Variants in GOLGB1 observed in about 807,000 individuals in gnomAD.
GOLGB1 encodes the protein golgin subfamily B member 1.
A neutral mutation model predicts 336.9 loss-of-function variants in GOLGB1; 174 were observed. The ratio of observed to expected loss-of-function variants is 0.52; its 90% CI spans 0.46 to 0.59. GOLGB1 has a LOEUF of 0.59. GOLGB1 is among the 20% of genes least tolerant of loss of function. The pLI, the probability that GOLGB1 is intolerant of heterozygous loss-of-function variation, is 0.00. For synonymous variants in GOLGB1, 1,208 were observed against 1,289.2 expected (o/e 0.94, Z 1.35); for missense variants, 3,331 against 3,645.3 (o/e 0.91, Z 2.22).
chr3:121,719,776 C>T lies in GOLGB1; in HGVS notation c.649-8G>A. 1 of 1,590,830 alleles carries T rather than the reference C, an allele frequency of 6.3e-7. No individual in the cohort carries two copies. Among genetic ancestry groups the T allele is most frequent in the Non-Finnish European group, 8.6e-7 (1 of 1,169,212 alleles). On this transcript the variant is annotated splice_polypyrimidine_tract_variant and splice_region_variant and intron_variant, in intron 6 of 21. Coordinates refer to ENST00000614479, the MANE Select transcript of GOLGB1 (RefSeq NM_001366282.2). ...CTGCTGCATGGAACTCAACTGAAGA[C>T]ACATACCAGAGAAACTATGCAAGTT...
At chr3:121,743,971 T>C (rs1222861120) in intron 1 of GOLGB1, among the ~76,000 whole-genome samples, 1 of 152,164 alleles carries the variant, frequency 6.6e-6, no homozygotes. Context: ...GTAATTCAAA[T>C]ATCATTAATT....
At position 121,697,986 on chromosome 3, in the gene GOLGB1, T is replaced by C; in HGVS notation, c.2537A>G (p.Gln846Arg). The change falls in exon 13 of 22, where the codon CAA (glutamine) becomes CGA (arginine). Residue 846 changes from glutamine to arginine, a missense_variant. Coordinates refer to ENST00000614479, the MANE Select transcript of GOLGB1 (RefSeq NM_001366282.2). ...TLIRSLQSQLQNKESEVLEGA... is the reference protein window; with the variant it reads ...TLIRSLQSQLRNKESEVLEGA... ...CTCAAGCACTTCACTTTCCTTATTTTGCAGCTGGCTTTGCAGGCTTCTTAT... is the reference window on the plus strand; with the variant it reads ...CTCAAGCACTTCACTTTCCTTATTTCGCAGCTGGCTTTGCAGGCTTCTTAT... 6.2e-7 allele frequency: 1 copy of C among 1,614,120 alleles called. No individual in the cohort carries two copies. The highest frequency in any genetic ancestry group is 8.5e-7 in the Non-Finnish European group (1 of 1,179,966).
rs528755502 is a variant in GOLGB1 at position 121,722,220 on chromosome 3, T to G, written c.648+42A>C. On this transcript the variant is annotated intron_variant, in intron 6 of 21. Coordinates refer to ENST00000614479, the MANE Select transcript of GOLGB1 (RefSeq NM_001366282.2). ...AATTGACTTGTGCGTAATAACCCACTGGACTTCATAGCTCTTTATCCTAAT... is the reference window on the plus strand; with the variant it reads ...AATTGACTTGTGCGTAATAACCCACGGGACTTCATAGCTCTTTATCCTAAT... The G allele has an allele frequency of 1.5e-5, 17 of 1,101,824 alleles. No homozygotes were observed. In the African/African-American group the frequency reaches 2.5e-4, roughly 16 times the overall value. 68.3% of individuals were successfully genotyped at this position (1,101,824 alleles called of 1,614,324 possible).
intron 17 of GOLGB1, among the ~76,000 whole-genome samples, chr3:121,672,530 A>G (rs1939688300): frequency 6.6e-6 from 1 of 152,162 alleles, no homozygotes; most frequent in Admixed American, 6.5e-5. Context: ...CTGGTTATTA[A>G]TCCCTTGTTA....
At chr3:121,705,383 A>C (rs528219345) in intron 10 of GOLGB1, among the ~76,000 whole-genome samples, 1 of 152,354 alleles carries the variant, frequency 6.6e-6, no homozygotes, top group Admixed American at 6.5e-5. Context: ...CTGAAACAAT[A>C]ACAACCAAAA....
chr3:121,668,847 C>T (rs1034514993), intron 18 of GOLGB1, among the ~76,000 whole-genome samples: 3 of 152,082 alleles, frequency 2.0e-5, no homozygotes, highest in African/African-American at 7.2e-5. Flanking sequence ...ATGCTGTACT[C>T]CTCTCCCTGG....
At chr3:121,743,660 A>G (rs1947041048) in intron 1 of GOLGB1, among the ~76,000 whole-genome samples, 1 of 152,240 alleles carries the variant, frequency 6.6e-6, no homozygotes, top group Non-Finnish European at 1.5e-5. Context: ...AATACAAATT[A>G]TAAATACACA....
In GOLGB1 at chr3:121,693,689, T is replaced by TCTAAAC. The variant is rs1279257054; in HGVS notation, c.6782+51_6782+52insGTTTAG. On this transcript the variant is annotated intron_variant, in intron 13 of 21. Coordinates refer to ENST00000614479, the MANE Select transcript of GOLGB1 (RefSeq NM_001366282.2). ...AAGGAAACAGAAATAGTTTAGAGAC[T>TCTAAAC]TTCTTTGCTTGAAGTTACCTCTGGA... 6.1e-6 allele frequency: 8 copies of TCTAAAC among 1,309,040 alleles called. No individual in the cohort carries two copies. In the Admixed American group the frequency reaches 1.7e-4, roughly 27 times the overall value. The allele number at this position is 1,309,040 out of a possible 1,614,324, so 81.1% of individuals were successfully genotyped here.
In GOLGB1 at chr3:121,694,440, T is replaced by C. The variant is rs768008951; in HGVS notation, c.6083A>G (p.Gln2028Arg). Residue 2028 changes from glutamine (Q) to arginine (R), a missense_variant, in exon 13 of 22, where the codon CAG becomes CGG. Gln to Arg is a conservative substitution (Grantham distance 43). Transcript: ENST00000614479. ...ATACCTGATGCAGTCCTTCTGTAGC[T>C]GCTTTACTTCTTGTTGTTTTTCTTT... Reference protein sequence around the residue: ...LLKEKQQEVKQLQKDCIRYQE... With the variant: ...LLKEKQQEVKRLQKDCIRYQE... The C allele has an allele frequency of 1.2e-6, 2 of 1,613,388 alleles. No individual in the cohort carries two copies. Among genetic ancestry groups the C allele is most frequent in the African/African-American group, 2.7e-5 (2 of 74,904 alleles).
chr3:121,679,401 C>G (rs1304656703), intron 15 of GOLGB1, among the ~76,000 whole-genome samples: 1 of 152,118 alleles, frequency 6.6e-6, no homozygotes, highest in East Asian at 1.9e-4. Flanking sequence ...CTAGGGATCC[C>G]CAGACTTGAG....
Position 121,718,407 on chromosome 3 carries a change from G to T in GOLGB1, c.866C>A (p.Ala289Asp). ...CAGTACCTGGTTTCTCTGCTCAGCAGCAGTCAGCTCCTGTTGCAGCAAGTC... is the reference window on the plus strand; with the variant it reads ...CAGTACCTGGTTTCTCTGCTCAGCATCAGTCAGCTCCTGTTGCAGCAAGTC... ...VVDLLQQELT[A>D]AEQRNQILSQ... Residue 289 changes from alanine (A) to aspartate (D), a missense_variant, in exon 8 of 22, where the codon GCT becomes GAT. Ala to Asp is a moderately radical substitution (Grantham distance 126). Transcript: ENST00000614479. 1 of 1,608,728 alleles carries T rather than the reference G, an allele frequency of 6.2e-7. No individual in the cohort carries two copies. Among genetic ancestry groups the T allele is most frequent in the Non-Finnish European group, 8.5e-7 (1 of 1,175,100 alleles).
Position 121,677,215 on chromosome 3 carries a change from A to AC in GOLGB1, c.9039+69_9039+70insG, listed in dbSNP as rs372392359. ...TGGGTAGCGTCTTAAAAAAAAAACA[A>AC]AACCCTGCAATCATCATCATTTGTT... On this transcript the variant is annotated intron_variant, in intron 16 of 21. Transcript: ENST00000614479. The AC allele has an allele frequency of 1.6e-3, 2,126 of 1,348,822 alleles. 6 individuals are homozygous for AC. The highest frequency in any genetic ancestry group is 1.2e-3 in the Non-Finnish European group (1,170 of 967,664). 83.6% of individuals were successfully genotyped at this position (1,348,822 alleles called of 1,614,324 possible). A position where few individuals can be genotyped will look rare whatever the true frequency, so the allele number is the denominator to read the frequency against.
chr3:121,682,771 C>G (rs1048109716), intron 14 of GOLGB1, among the ~76,000 whole-genome samples: 1 of 152,052 alleles, frequency 6.6e-6, no homozygotes, highest in Non-Finnish European at 1.5e-5. Context: ...AACACAAGAA[C>G]AGGAAAAACA....
chr3:121,719,799 G>A (rs368796780), intron 6 of GOLGB1, 31 bp from the exon 7 acceptor site: 4 of 1,563,442 alleles, frequency 2.6e-6, no homozygotes, highest in African/African-American at 1.4e-5. Flanking sequence ...AACTATGCAA[G>A]TTACACTCCC....
At chr3:121,732,482 A>G (rs1946185876) in intron 1 of GOLGB1, among the ~76,000 whole-genome samples, 1 of 152,200 alleles carries the variant, frequency 6.6e-6, no homozygotes, top group South Asian at 2.1e-4. Flanking sequence ...TCCATAAAAT[A>G]TTAGCTAATT....
chr3:121,691,591 C>G lies in GOLGB1; in HGVS notation c.7773G>C (p.Leu2591=). The change falls in exon 14 of 22, where the codon CTG becomes CTC. Residue 2591 remains leucine, a synonymous_variant. Coordinates refer to ENST00000614479, the MANE Select transcript of GOLGB1 (RefSeq NM_001366282.2). The part of the protein sequence containing the change: ...LKESEEANED[L]RRSFNALQEE... ...CTTGTAGGGCATTAAAGGACCTCCG[C>G]AGATCCTCATTTGCTTCCTCAGATT... is the stretch of plus-strand genomic sequence containing the variant. 6.2e-7 allele frequency: 1 copy of G among 1,613,714 alleles called. No individual in the cohort carries two copies. Among genetic ancestry groups the G allele is most frequent in the Non-Finnish European group, 8.5e-7 (1 of 1,179,814 alleles).
chr3:121,746,453 CTTTA>C lies in GOLGB1; in HGVS notation c.-3+3175_-3+3178del, dbSNP rs10530584. On this transcript the variant is annotated intron_variant, in intron 1 of 21. Transcript: ENST00000614479. ...AACTTACTTTTCGTTATTTAACTCA[CTTTA>C]TTTATTTATTTATTTATTTATTTAT... Among the ~76,000 whole-genome samples the C allele has an allele frequency of 3.8e-3, 572 of 150,970 alleles. 4 individuals are homozygous for C. The highest frequency in any genetic ancestry group is 9.3e-3 in the African/African-American group (384 of 41,104).
At chr3:121,747,159 T>C (rs1947354657) in intron 1 of GOLGB1, among the ~76,000 whole-genome samples, 1 of 67,640 alleles carries the variant, frequency 1.5e-5, no homozygotes, top group South Asian at 4.8e-4. Flanking sequence ...GTTATATATA[T>C]ATATATATAT....
intron 2 of GOLGB1, 84 bp downstream of exon 2, chr3:121,730,792 C>T (rs1946040459): frequency 7.4e-7 from 1 of 1,349,792 alleles, no homozygotes; most frequent in South Asian, 1.6e-5. Flanking sequence ...GGAGGCTTCG[C>T]ACACCCTTCT....
Sources: gnomAD v4.1 joint callset for allele counts (sites outside exome capture counted in the v4.1 genomes callset) on GRCh38, gnomAD v4.1.1 for gene constraint, MANE v1.5 for transcripts, NCBI Gene and HGNC (gene_info 2026-07-23, HGNC 2026-07-21) for gene names.